ICA1: variants seen among roughly 807,000 people sequenced by gnomAD.
The protein encoded by ICA1 is 69 kDa islet cell autoantigen.
In ICA1, 40 loss-of-function variants were observed where a neutral mutation model predicts 71.0. That is an observed-to-expected ratio of 0.56 (90% CI 0.44 to 0.73). ICA1 has a LOEUF of 0.73. Ranked by LOEUF, ICA1 falls within the 30% of genes least tolerant of loss-of-function variation. The probability of loss-of-function intolerance (pLI) is 0.00; values close to 1 mark genes in which losing one functional copy is unlikely to be tolerated. For synonymous variants in ICA1, 207 were observed against 209.5 expected, an observed-to-expected ratio of 0.99 and a Z score of 0.10; for missense variants, 578 against 576.5, an observed-to-expected ratio of 1.00 and a Z score of -0.03.
At chr7:8,125,290 G>A (rs1001574844) in intron 13 of ICA1, among the ~76,000 whole-genome samples, 12 of 152,158 alleles carry the variant, frequency 7.9e-5, no homozygotes, top group African/African-American at 2.4e-4. Flanking sequence ...CCTGGCCTCC[G>A]CCTCTGCATC....
At chr7:8,124,514 G>T (rs1788389916) in intron 13 of ICA1, among the ~76,000 whole-genome samples, 1 of 151,696 alleles carries the variant, frequency 6.6e-6, no homozygotes, top group Non-Finnish European at 1.5e-5. Context: ...AGGGGATTGA[G>T]GGTCCTAATA....
rs775039808 is a variant in ICA1 at position 8,221,381 on chromosome 7, T to C, written c.274A>G (p.Asn92Asp). The C allele has an allele frequency of 1.2e-6, 2 of 1,613,558 alleles. No homozygotes were observed. The highest frequency in any genetic ancestry group is 1.7e-6 in the Non-Finnish European group (2 of 1,179,588). ...GATCGAAGAAATTTTCCCAGTTCGTTTTCTTCTTGAGACAAGACTGATGAA... is the reference window on the plus strand; with the variant it reads ...GATCGAAGAAATTTTCCCAGTTCGTCTTCTTCTTGAGACAAGACTGATGAA... ...KRICFLSQEE[N>D]ELGKFLRSQG... Residue 92 changes from asparagine to aspartate, a missense_variant, in exon 5 of 14, where the codon AAC becomes GAC. Physicochemically the swap from Asn to Asp is conservative, Grantham distance 23. Coordinates refer to ENST00000402384, the MANE Select transcript of ICA1 (RefSeq NM_001136020.3).
chr7:8,185,734 C>G (rs1783693001), intron 6 of ICA1, among the ~76,000 whole-genome samples: 1 of 152,176 alleles, frequency 6.6e-6, no homozygotes, highest in Admixed American at 6.5e-5. Flanking sequence ...TTGATCCAAG[C>G]CTTAATTTCC....
intron 13 of ICA1, among the ~76,000 whole-genome samples, chr7:8,118,261 C>T (rs1386983902): frequency 6.6e-6 from 1 of 152,176 alleles, no homozygotes; most frequent in East Asian, 1.9e-4. Flanking sequence ...TTTACTCAAT[C>T]TAGAACAATG....
intron 13 of ICA1, among the ~76,000 whole-genome samples, chr7:8,124,690 G>A (rs986893077): frequency 6.6e-5 from 10 of 152,168 alleles, no homozygotes; most frequent in Admixed American, 5.9e-4. Context: ...ACTTAGGTTT[G>A]GCTTTTTTTC....
At chr7:8,196,552 T>A (rs949388256) in intron 6 of ICA1, among the ~76,000 whole-genome samples, 1 of 152,142 alleles carries the variant, frequency 6.6e-6, no homozygotes, top group African/African-American at 2.4e-5. Context: ...GCAAAAAATG[T>A]ACTGCACTGA....
chr7:8,133,281 T>C (rs1356940351), intron 12 of ICA1, among the ~76,000 whole-genome samples: 2 of 152,260 alleles, frequency 1.3e-5, no homozygotes, highest in East Asian at 3.9e-4. Context: ...AGAAATAAAT[T>C]CCATTTCTTT....
chr7:8,219,846 T>C (rs1796515453), intron 5 of ICA1, among the ~76,000 whole-genome samples: 1 of 152,256 alleles, frequency 6.6e-6, no homozygotes. Context: ...CATTTCTAGA[T>C]TCTTTGTTTC....
intron 1 of ICA1, among the ~76,000 whole-genome samples, chr7:8,252,510 T>C (rs1233926050): frequency 6.6e-6 from 1 of 152,160 alleles, no homozygotes; most frequent in African/African-American, 2.4e-5. Context: ...CAGTCCAATA[T>C]AGCAGACACT....
chr7:8,259,893 G>A (rs1174641598), intron 1 of ICA1, among the ~76,000 whole-genome samples: 2 of 152,162 alleles, frequency 1.3e-5, no homozygotes, highest in Non-Finnish European at 2.9e-5. Flanking sequence ...GAATGGTGGT[G>A]GGGTTGGGGG....
At position 8,144,024 on chromosome 7, in the gene ICA1, A is replaced by T. The variant is rs535675414; in HGVS notation, c.805-52T>A. 2.9e-6 allele frequency: 3 copies of T among 1,029,056 alleles called. No individual in the cohort carries two copies. In the African/African-American group the frequency reaches 4.9e-5, roughly 17 times the overall value. 63.7% of individuals were successfully genotyped at this position (1,029,056 alleles called of 1,614,324 possible). A position where few individuals can be genotyped will look rare whatever the true frequency, so the allele number is the denominator to read the frequency against. On this transcript the variant is annotated intron_variant, in intron 8 of 13. Coordinates refer to ENST00000402384, the MANE Select transcript of ICA1 (RefSeq NM_001136020.3). The surrounding 1 kb of genome is among the most constrained non-coding windows in gnomAD (Gnocchi z 4.5). ...AAAAGAAAAAAAAAGAAGAAGAAAT[A>T]GAGACAAAAAAAAGAAAAGAAAGGT...
At chr7:8,142,585 G>A (rs1302680095) in intron 9 of ICA1, among the ~76,000 whole-genome samples, 1 of 152,188 alleles carries the variant, frequency 6.6e-6, no homozygotes, top group Non-Finnish European at 1.5e-5. Context: ...GAAGGTGCAG[G>A]GACCCACTTC....
chr7:8,160,488 C>T (rs3757522), intron 6 of ICA1, among the ~76,000 whole-genome samples: 116,056 of 152,138 alleles, frequency 0.76, 44,379 homozygotes, highest in Middle Eastern at 0.79. Flanking sequence ...TTCTGCCTCC[C>T]GAGCAACTTA....
chr7:8,262,546 C>G (rs1035930756), upstream of ICA1: 3 of 152,316 alleles, frequency 2.0e-5, no homozygotes, highest in African/African-American at 7.2e-5. Flanking sequence ...TCGGATCCGC[C>G]GCCCAGAGTG....
At position 8,173,116 on chromosome 7, in the gene ICA1, C is replaced by T. The variant is rs965497901; in HGVS notation, c.580-14464G>A. On this transcript the variant is annotated intron_variant, in intron 6 of 13. Coordinates refer to ENST00000402384, the MANE Select transcript of ICA1 (RefSeq NM_001136020.3). The surrounding 1 kb of genome is among the most constrained non-coding windows in gnomAD (Gnocchi z 4.0). ...GTTCACTGTAAAGGTCTACAAGTAA[C>T]GGCTAACTTAGAAGCAATGAGGTCA... Among the ~76,000 whole-genome samples the T allele has an allele frequency of 3.9e-5, 6 of 152,268 alleles. No individual in the cohort carries two copies. Among genetic ancestry groups the T allele is most frequent in the East Asian group, 1.9e-4 (1 of 5,192 alleles).
In ICA1 at chr7:8,132,052, C is replaced by G. The variant is rs904047388; in HGVS notation, c.1061-3910G>C. ...GATGCTACACCAAGTTCCCTTCACT[C>G]TCTTGCAGGCTCCCAAGTCTCTGTG... On this transcript the variant is annotated intron_variant, in intron 12 of 13. Coordinates refer to ENST00000402384, the MANE Select transcript of ICA1 (RefSeq NM_001136020.3). This position sits in a 1 kb window ranked among gnomAD's most constrained non-coding sequence, Gnocchi z 4.5. 1.3e-5 allele frequency among the ~76,000 whole-genome samples: 2 copies of G among 152,220 alleles called. No homozygotes were observed. Among genetic ancestry groups the G allele is most frequent in the African/African-American group, 2.4e-5 (1 of 41,450 alleles).
intron 12 of ICA1, among the ~76,000 whole-genome samples, chr7:8,129,750 C>T (rs377220435): frequency 2.0e-5 from 3 of 151,958 alleles, no homozygotes; most frequent in African/African-American, 7.3e-5. Context: ...ATGTGCACAA[C>T]GTGCAGGTTT....
At chr7:8,216,849 A>C (rs1418385997) in intron 6 of ICA1, among the ~76,000 whole-genome samples, 2 of 152,210 alleles carry the variant, frequency 1.3e-5, no homozygotes, top group African/African-American at 4.8e-5. Context: ...CTCGCTTATA[A>C]AATAAAATCG....
chr7:8,161,047 T>G, intron 6 of ICA1, among the ~76,000 whole-genome samples: 1 of 152,312 alleles, frequency 6.6e-6, no homozygotes, highest in South Asian at 2.1e-4. Flanking sequence ...GTCTTCAGCC[T>G]TTTCCTACAA....
Sources: gnomAD v4.1 joint callset for allele counts (sites outside exome capture counted in the v4.1 genomes callset) on GRCh38, gnomAD v4.1.1 for gene constraint, Gnocchi (gnomAD v3.1) non-coding constraint, MANE v1.5 for transcripts, NCBI Gene and HGNC (gene_info 2026-07-23, HGNC 2026-07-21) for gene names.